The following MACO1 variants were observed in gnomAD, a reference collection of about 807,000 sequenced individuals.
MACO1 encodes the protein macoilin.
Under a neutral mutation model 78.7 loss-of-function variants are expected in MACO1, and 14 were observed. The observed-to-expected ratio is 0.18, with a 90% CI of 0.12 to 0.28. MACO1 has a LOEUF of 0.28. MACO1 is among the 10% of genes least tolerant of loss of function. The pLI, the probability that MACO1 is intolerant of heterozygous loss-of-function variation, is 1.00. For synonymous variants in MACO1, 288 were observed against 291.6 expected (o/e 0.99, Z 0.12); for missense variants, 501 against 799.0 (o/e 0.63, Z 4.50).
intron 6 of MACO1, among the ~76,000 whole-genome samples, chr1:25,472,207 T>TTATAC (rs1421845214): frequency 6.6e-6 from 1 of 151,938 alleles, no homozygotes. Flanking sequence ...AATATATATA[T>TTATAC]TATACTTTGA....
At chr1:25,459,764 A>G (rs2043155173) in intron 6 of MACO1, among the ~76,000 whole-genome samples, 1 of 152,174 alleles carries the variant, frequency 6.6e-6, no homozygotes, top group Non-Finnish European at 1.5e-5. Context: ...GATGTGAGCC[A>G]CCGTGCCCGG....
At position 25,431,036 on chromosome 1, in the gene MACO1, GCGGCGGCAGCTGAGGTGAGAGA is replaced by G; in HGVS notation, c.-55_-34del. The G allele has an allele frequency of 2.8e-6, 4 of 1,421,026 alleles. No homozygotes were observed. Among genetic ancestry groups the G allele is most frequent in the Non-Finnish European group, 3.8e-6 (4 of 1,052,914 alleles). 88.0% of individuals were successfully genotyped at this position (1,421,026 alleles called of 1,614,324 possible). A position where few individuals can be genotyped will look rare whatever the true frequency, so the allele number is the denominator to read the frequency against. ...AGGCCCGACGCGGGGCGGGCCAGCG[GCGGCGGCAGCTGAGGTGAGAGA>G]CGGCGGCGGCGGCGCGGGCACCCGG... On this transcript the variant is annotated 5_prime_UTR_variant, in exon 1 of 11. Coordinates refer to ENST00000374343, the MANE Select transcript of MACO1 (RefSeq NM_018202.6).
intron 1 of MACO1, among the ~76,000 whole-genome samples, chr1:25,441,939 T>A (rs890054526): frequency 1.3e-5 from 2 of 152,188 alleles, no homozygotes; most frequent in African/African-American, 4.8e-5. Flanking sequence ...ATTATCTGAT[T>A]AGGGCATTGT....
intron 10 of MACO1, among the ~76,000 whole-genome samples, chr1:25,497,063 A>G (rs1040150569): frequency 1.3e-5 from 2 of 152,198 alleles, no homozygotes; most frequent in African/African-American, 4.8e-5. Flanking sequence ...AGTGACAGAA[A>G]GGGAAGTGGA....
At chr1:25,433,265 GA>G (rs1245463784) in intron 1 of MACO1, among the ~76,000 whole-genome samples, 1 of 151,810 alleles carries the variant, frequency 6.6e-6, no homozygotes, top group African/African-American at 2.4e-5. Context: ...TGAAGAACAA[GA>G]TTTTTTTTTT....
At chr1:25,466,316 T>G (rs2043218772) in intron 6 of MACO1, among the ~76,000 whole-genome samples, 1 of 152,156 alleles carries the variant, frequency 6.6e-6, no homozygotes, top group South Asian at 2.1e-4. Flanking sequence ...CCATTTTATT[T>G]ATTTATTTAT....
At chr1:25,474,105 CT>C in intron 6 of MACO1, among the ~76,000 whole-genome samples, 1 of 152,274 alleles carries the variant, frequency 6.6e-6, no homozygotes, top group Middle Eastern at 3.4e-3. Flanking sequence ...AACCTGACAC[CT>C]AGCATTTGGG....
In MACO1 at chr1:25,493,937, T is replaced by C. The variant is rs953784209; in HGVS notation, c.1792+2353T>C. ...TAGTAGAGATGGGGTTTCACCGTGT[T>C]AGCCAGGATGGTCTCGATCTCCTGA... is the stretch of plus-strand genomic sequence containing the variant. On this transcript the variant is annotated intron_variant, in intron 10 of 10. Transcript: ENST00000374343. Among the ~76,000 whole-genome samples, 4 of 152,152 alleles carry C rather than the reference T, an allele frequency of 2.6e-5. 1 individual carries two copies. In the South Asian group the frequency reaches 8.3e-4, roughly 32 times the overall value.
At chr1:25,451,701 G>A (rs1452273831) in intron 3 of MACO1, among the ~76,000 whole-genome samples, 1 of 152,056 alleles carries the variant, frequency 6.6e-6, no homozygotes, top group Non-Finnish European at 1.5e-5. Context: ...GAATTCAGGA[G>A]TTCAAAACCA....
Position 25,430,941 on chromosome 1 carries a change from C to T in MACO1, c.-158C>T, listed in dbSNP as rs371687493. The T allele has an allele frequency of 1.5e-5, 7 of 465,284 alleles. No homozygotes were observed. Among genetic ancestry groups the T allele is most frequent in the South Asian group, 7.9e-5 (3 of 37,884 alleles). 28.8% of individuals were successfully genotyped at this position (465,284 alleles called of 1,614,324 possible). ...AGGCGGAGGAGGCTCCGAGCCCCCC[C>T]TCCCCGTGCTACCCCCTCCCCCCGG... On this transcript the variant is annotated 5_prime_UTR_variant, in exon 1 of 11. Transcript: ENST00000374343.
At chr1:25,498,213 G>C (rs2043554587) in intron 10 of MACO1, 51 bp from the exon 11 acceptor site, 1 of 1,598,012 alleles carries the variant, frequency 6.3e-7, no homozygotes, top group South Asian at 1.1e-5. Flanking sequence ...TGGGGACATT[G>C]TGTTGGGTGA....
At chr1:25,439,941 C>G (rs2042954857) in intron 1 of MACO1, among the ~76,000 whole-genome samples, 1 of 151,358 alleles carries the variant, frequency 6.6e-6, no homozygotes, top group Admixed American at 6.6e-5. Flanking sequence ...TCACTTGAAC[C>G]CAGGAGGCAG....
intron 5 of MACO1, among the ~76,000 whole-genome samples, chr1:25,457,583 C>T (rs1313354883): frequency 1.3e-5 from 2 of 152,020 alleles, no homozygotes; most frequent in African/African-American, 2.4e-5. Flanking sequence ...ATGGATAGGT[C>T]GTGTTCTAAA....
At chr1:25,496,981 TGA>T (rs1282623995) in intron 10 of MACO1, among the ~76,000 whole-genome samples, 1 of 152,150 alleles carries the variant, frequency 6.6e-6, no homozygotes, top group Non-Finnish European at 1.5e-5. Context: ...AAGAAAGAAA[TGA>T]GTTAGTATAC....
intron 1 of MACO1, 102 bp downstream of exon 1, chr1:25,431,280 C>T (rs1557654270): frequency 1.2e-6 from 1 of 848,476 alleles, no homozygotes. Context: ...GCCGCACGCC[C>T]GCGCCGGGGG....
chr1:25,486,603 CTG>C lies in MACO1; in HGVS notation c.1496+810_1496+811del, dbSNP rs200503698. On this transcript the variant is annotated intron_variant, in intron 8 of 10. Transcript: ENST00000374343. ...TTTGTATCTACGTGGTATAATTCAA[CTG>C]TAATTTTTCCTTGAATTTTGCTTTG... 7.4e-3 allele frequency among the ~76,000 whole-genome samples: 1,129 copies of C among 152,288 alleles called. 15 individuals carry two copies. The highest frequency in any genetic ancestry group is 0.026 in the African/African-American group (1,082 of 41,552).
chr1:25,480,929 A>AAAAAT (rs1553166539), intron 6 of MACO1, among the ~76,000 whole-genome samples: 5 of 47,912 alleles, frequency 1.0e-4, no homozygotes, highest in East Asian at 1.1e-3. Context: ...AAAAAAAAAA[A>AAAAAT]ATATATATAT....
chr1:25,462,603 T>C (rs543198126), intron 6 of MACO1, among the ~76,000 whole-genome samples: 1 of 152,300 alleles, frequency 6.6e-6, no homozygotes, highest in South Asian at 2.1e-4. Flanking sequence ...TGTAATAATA[T>C]AGATTAATTG....
At chr1:25,494,162 T>C (rs1489976586) in intron 10 of MACO1, among the ~76,000 whole-genome samples, 1 of 152,208 alleles carries the variant, frequency 6.6e-6, no homozygotes, top group Non-Finnish European at 1.5e-5. Flanking sequence ...AGTACTATTA[T>C]GAAGGTAGTT....
Sources: allele counts gnomAD v4.1 joint callset (sites outside exome capture counted in the v4.1 genomes callset), GRCh38; gene constraint gnomAD v4.1.1; transcripts MANE v1.5; gene names NCBI Gene and HGNC (gene_info 2026-07-23, HGNC 2026-07-21).